ANK3: variants seen among roughly 807,000 people sequenced by gnomAD.
ANK3 encodes ankyrin 3.
In ANK3, 57 loss-of-function variants were observed where a neutral mutation model predicts 370.9. The ratio of observed to expected loss-of-function variants is 0.15; its 90% CI spans 0.12 to 0.19. The LOEUF (loss-of-function observed/expected upper bound fraction) is 0.19. Among genes scored for constraint, ANK3 ranks in the 10% least tolerant of loss-of-function variants. The pLI, the probability that ANK3 is intolerant of heterozygous loss-of-function variation, is 1.00. For synonymous variants in ANK3, 1,929 were observed against 1,946.3 expected (o/e 0.99, Z 0.23); for missense variants, 4,439 against 5,302.1 (o/e 0.84, Z 5.06).
At chr10:60,274,883 A>G (rs577139896) in intron 4 of ANK3, among the ~76,000 whole-genome samples, 77 of 152,350 alleles carry the variant, frequency 5.1e-4, no homozygotes, top group Admixed American at 1.4e-3. Flanking sequence ...CCATTTAGTT[A>G]TGATTCTAGA....
chr10:60,194,003 C>T (rs1222689513), intron 16 of ANK3, among the ~76,000 whole-genome samples: 5 of 152,026 alleles, frequency 3.3e-5, no homozygotes. Flanking sequence ...CACCTGTAAT[C>T]CCAGCTACTT....
intron 12 of ANK3, among the ~76,000 whole-genome samples, chr10:60,200,604 C>G (rs1444307237): frequency 6.6e-6 from 1 of 151,572 alleles, no homozygotes; most frequent in Non-Finnish European, 1.5e-5. Context: ...GCAGCCAACC[C>G]CCCACCCCAC....
At chr10:60,367,806 A>G (rs2132767722) in intron 1 of ANK3, among the ~76,000 whole-genome samples, 1 of 152,306 alleles carries the variant, frequency 6.6e-6, no homozygotes, top group South Asian at 2.1e-4. Flanking sequence ...TTTAAAATGG[A>G]TGCAGCAGTT....
chr10:60,032,383 T>C (rs2073890283), intron 43 of ANK3, among the ~76,000 whole-genome samples: 2 of 151,856 alleles, frequency 1.3e-5, no homozygotes, highest in Non-Finnish European at 2.9e-5. Context: ...ATTTTTTGTA[T>C]TTTTAGTAGA....
intron 9 of ANK3, among the ~76,000 whole-genome samples, chr10:60,211,279 A>AGG (rs71015776): frequency 2.5e-5 from 1 of 39,426 alleles, no homozygotes; most frequent in Non-Finnish European, 7.7e-5. Context: ...AAGGTGAACT[A>AGG]GAGAGATTCA....
chr10:60,404,684 T>C (rs891985754), intron 2 of ANK3, among the ~76,000 whole-genome samples: 2 of 152,192 alleles, frequency 1.3e-5, no homozygotes, highest in African/African-American at 4.8e-5. Flanking sequence ...TAATACAGTA[T>C]ACAGAATATA....
chr10:60,053,819 A>T (rs1424110848), intron 42 of ANK3: 1 of 1,029,466 alleles, frequency 9.7e-7, no homozygotes, highest in Non-Finnish European at 1.3e-6. Flanking sequence ...TATAGCCACA[A>T]ACGATACATC....
chr10:60,072,231 C>A lies in ANK3; in HGVS notation c.8650G>T (p.Gly2884Cys), dbSNP rs963158886. The change falls in exon 37 of 44, where the codon GGT (glycine) becomes TGT (cysteine). Residue 2884 changes from glycine to cysteine, a missense_variant. By Grantham distance (159) the Gly-to-Cys change is radical (BLOSUM62 -3). Transcript: ENST00000280772. ...LVHDVRENHIGHPESKSVDQK... is the reference protein window; with the variant it reads ...LVHDVRENHICHPESKSVDQK... ...TCAACACTTTTACTCTCAGGGTGAC[C>A]AATGTGATTCTCTCTTACATCATGA... is the stretch of plus-strand genomic sequence containing the variant. 8.1e-6 allele frequency: 13 copies of A among 1,613,984 alleles called. No homozygotes were observed. Among genetic ancestry groups the A allele is most frequent in the Non-Finnish European group, 1.1e-5 (13 of 1,179,980 alleles).
At chr10:60,556,953 C>T (rs7082456) in intron 2 of ANK3, among the ~76,000 whole-genome samples, 3,659 of 152,188 alleles carry the variant, frequency 0.024, 63 homozygotes, top group Non-Finnish European at 0.034. Context: ...ACTGTGCAAG[C>T]GAGGGCTCTA....
intron 1 of ANK3, among the ~76,000 whole-genome samples, chr10:60,703,256 C>G (rs7909717): frequency 6.6e-6 from 1 of 152,114 alleles, no homozygotes; most frequent in Non-Finnish European, 1.5e-5. Context: ...TTAGGTATGA[C>G]TGAAGATTTA....
intron 23 of ANK3, chr10:60,139,516 AAC>A (rs1275684159): frequency 6.3e-6 from 1 of 157,706 alleles, no homozygotes; most frequent in Non-Finnish European, 1.4e-5. Context: ...GTGGGAAGGA[AAC>A]AGACATTTAA....
chr10:60,121,880 G>C (rs1161229761), intron 25 of ANK3, among the ~76,000 whole-genome samples: 1 of 152,154 alleles, frequency 6.6e-6, no homozygotes, highest in Non-Finnish European at 1.5e-5. Flanking sequence ...CTGCATGCCT[G>C]TATAAAAATA....
At chr10:60,336,156 C>A (rs1472965973) in intron 1 of ANK3, among the ~76,000 whole-genome samples, 3 of 151,810 alleles carry the variant, frequency 2.0e-5, no homozygotes, top group Admixed American at 2.0e-4. Flanking sequence ...GGAGTCGAGG[C>A]CAAACTAGAG....
chr10:60,083,376 GAGTTC>G, intron 33 of ANK3, 111 bp downstream of exon 33: 1 of 1,094,400 alleles, frequency 9.1e-7, no homozygotes, highest in Non-Finnish European at 1.3e-6. Flanking sequence ...CTGACCTTAT[GAGTTC>G]AGATTTGACG....
intron 1 of ANK3, among the ~76,000 whole-genome samples, chr10:60,336,098 G>A (rs1260609292): frequency 1.3e-5 from 2 of 151,882 alleles, no homozygotes; most frequent in Non-Finnish European, 2.9e-5. Flanking sequence ...GGCGGGGGGG[G>A]GAAGCTGGTG....
intron 1 of ANK3, among the ~76,000 whole-genome samples, chr10:60,369,186 A>G (rs2059789877): frequency 6.6e-6 from 1 of 152,224 alleles, no homozygotes; most frequent in Non-Finnish European, 1.5e-5. Flanking sequence ...ATTGTAAAGC[A>G]AATAAGCAAA....
intron 2 of ANK3, among the ~76,000 whole-genome samples, chr10:60,477,508 G>GACATACACACAC (rs1279888980): frequency 8.6e-6 from 1 of 116,474 alleles, no homozygotes; most frequent in Non-Finnish European, 1.9e-5. Flanking sequence ...CTGACAGACA[G>GACATACACACAC]ACAGACATAC....
intron 42 of ANK3, among the ~76,000 whole-genome samples, chr10:60,049,987 A>T (rs564000013): frequency 6.6e-6 from 1 of 152,218 alleles, no homozygotes; most frequent in African/African-American, 2.4e-5. Context: ...TAGATGTAAC[A>T]TTAGTATGTG....
chr10:60,464,734 CA>C lies in ANK3; in HGVS notation c.96+150451del, dbSNP rs1170760401. Among the ~76,000 whole-genome samples, 8 of 152,118 alleles carry C rather than the reference CA, an allele frequency of 5.3e-5. No individual in the cohort carries two copies. The East Asian group carries it at 1.3e-3, about 26-fold the overall frequency. ...GTGCCTCATGTCAAATATTCAACAA[CA>C]AAATTATAACACAAATGTCACTTTT... is the stretch of plus-strand genomic sequence containing the variant. On this transcript the variant is annotated intron_variant, in intron 2 of 43. Transcript: ENST00000373827.
Sources: gnomAD v4.1 joint callset for allele counts (sites outside exome capture counted in the v4.1 genomes callset) on GRCh38, gnomAD v4.1.1 for gene constraint, MANE v1.5 for transcripts, NCBI Gene and HGNC (gene_info 2026-07-23, HGNC 2026-07-21) for gene names.